TNIK: variants seen among roughly 807,000 people sequenced by gnomAD.
The protein encoded by TNIK is TRAF2 and NCK interacting kinase.
In TNIK, 49 loss-of-function variants were observed where a neutral mutation model predicts 191.3. The ratio of observed to expected loss-of-function variants is 0.26; its 90% CI spans 0.20 to 0.32. The LOEUF is 0.32. Ranked by LOEUF, TNIK falls within the 10% of genes least tolerant of loss-of-function variation. The pLI, the probability that TNIK is intolerant of heterozygous loss-of-function variation, is 1.00. For missense variants in TNIK, 1,155 were observed against 1,702.3 expected (o/e 0.68, Z 5.66); for synonymous variants, 594 against 600.9 (o/e 0.99, Z 0.17).
At chr3:171,379,996 C>T (rs745811199) in intron 1 of TNIK, among the ~76,000 whole-genome samples, 8 of 148,592 alleles carry the variant, frequency 5.4e-5, no homozygotes, top group African/African-American at 7.5e-5. Flanking sequence ...GCGACAAAAG[C>T]GAAACTTGGT....
At chr3:171,084,375 A>G in intron 25 of TNIK, 50 bp from the exon 26 acceptor site, 1 of 1,573,872 alleles carries the variant, frequency 6.4e-7, no homozygotes, top group Non-Finnish European at 8.7e-7. Flanking sequence ...AAGATAACTT[A>G]TGGAGATGGG....
intron 19 of TNIK, among the ~76,000 whole-genome samples, chr3:171,109,135 A>G (rs188677014): frequency 6.6e-6 from 1 of 152,298 alleles, no homozygotes; most frequent in Non-Finnish European, 1.5e-5. Flanking sequence ...AGTTGCCTAT[A>G]AATAGAAAAA....
intron 28 of TNIK, among the ~76,000 whole-genome samples, chr3:171,072,807 T>C (rs1719371388): frequency 6.6e-6 from 1 of 151,656 alleles, no homozygotes; most frequent in Admixed American, 6.6e-5. Flanking sequence ...ATCCCATTTA[T>C]AATAACAGAC....
At chr3:171,454,825 C>T (rs964819159) in intron 1 of TNIK, among the ~76,000 whole-genome samples, 1 of 152,254 alleles carries the variant, frequency 6.6e-6, no homozygotes, top group African/African-American at 2.4e-5. Flanking sequence ...CCCCATGAGA[C>T]CTCTCACCAG....
chr3:171,190,466 T>C (rs531029600), intron 6 of TNIK, among the ~76,000 whole-genome samples: 23 of 152,342 alleles, frequency 1.5e-4, no homozygotes, highest in African/African-American at 5.5e-4. Flanking sequence ...ATCTCAATTA[T>C]TTCTATATAT....
intron 2 of TNIK, among the ~76,000 whole-genome samples, chr3:171,236,270 A>T (rs1013017818): frequency 4.6e-5 from 7 of 152,200 alleles, no homozygotes; most frequent in African/African-American, 1.7e-4. Context: ...TCTTGATAGA[A>T]TTTGGGGAAA....
intron 25 of TNIK, 37 bp downstream of exon 25, chr3:171,085,081 G>A (rs756406246): frequency 4.6e-6 from 7 of 1,532,386 alleles, no homozygotes; most frequent in East Asian, 2.4e-5. Context: ...AAAGGAAGAC[G>A]AAGCTGTTTT....
chr3:171,240,618 A>T lies in TNIK; in HGVS notation c.124-12397T>A, dbSNP rs1310020978. Among the ~76,000 whole-genome samples, 6 of 152,146 alleles carry T rather than the reference A, an allele frequency of 3.9e-5. No individual in the cohort carries two copies. In the East Asian group the frequency reaches 5.8e-4, roughly 15 times the overall value. ...TTTCCTTCTCCCTTTCCTCCAATGT[A>T]CCATGGGGACTTTACATGTCTCTTC... On this transcript the variant is annotated intron_variant, in intron 2 of 32. Transcript: ENST00000436636.
chr3:171,364,246 C>T lies in TNIK; in HGVS notation c.123+5374G>A, dbSNP rs79522257. 6.6e-3 allele frequency among the ~76,000 whole-genome samples: 1,005 copies of T among 152,162 alleles called. 5 individuals are homozygous for T. Among genetic ancestry groups the T allele is most frequent in the Non-Finnish European group, 0.011 (718 of 67,996 alleles). Reference sequence around the variant, plus strand: ...ACATACTAAAGTTTGAGGACCTCTGCCAGGAGACCAGACCCCAGAAAATTG... The same window carrying T: ...ACATACTAAAGTTTGAGGACCTCTGTCAGGAGACCAGACCCCAGAAAATTG... On this transcript the variant is annotated intron_variant, in intron 2 of 32. Coordinates refer to ENST00000436636, the MANE Select transcript of TNIK (RefSeq NM_015028.4).
At chr3:171,149,562 G>GT (rs1732150634) in intron 12 of TNIK, among the ~76,000 whole-genome samples, 1 of 152,158 alleles carries the variant, frequency 6.6e-6, no homozygotes, top group African/African-American at 2.4e-5. Flanking sequence ...GGCACAACAC[G>GT]TAAGTTAGAA....
chr3:171,364,241 C>G (rs954599444), intron 2 of TNIK, among the ~76,000 whole-genome samples: 1 of 151,958 alleles, frequency 6.6e-6, no homozygotes, highest in African/African-American at 2.4e-5. Flanking sequence ...GTTTGAGGAC[C>G]TCTGCCAGGA....
At chr3:171,275,362 G>A (rs1306802011) in intron 2 of TNIK, among the ~76,000 whole-genome samples, 5 of 151,982 alleles carry the variant, frequency 3.3e-5, no homozygotes, top group African/African-American at 1.2e-4. Context: ...ATAAATGGAG[G>A]AAATAGTTCT....
intron 1 of TNIK, among the ~76,000 whole-genome samples, chr3:171,403,354 C>G (rs1355863061): frequency 6.6e-6 from 1 of 152,190 alleles, no homozygotes; most frequent in Non-Finnish European, 1.5e-5. Flanking sequence ...GTGGCTCACG[C>G]CTGTAATCCC....
intron 2 of TNIK, among the ~76,000 whole-genome samples, chr3:171,353,983 G>A (rs1713627040): frequency 1.3e-5 from 2 of 151,964 alleles, no homozygotes; most frequent in Non-Finnish European, 2.9e-5. Flanking sequence ...GTGTATGTTA[G>A]TATAAAGTGC....
chr3:171,340,903 A>G (rs1757435155), intron 2 of TNIK, among the ~76,000 whole-genome samples: 1 of 151,334 alleles, frequency 6.6e-6, no homozygotes, highest in African/African-American at 2.4e-5. Context: ...GGTATTTGGG[A>G]GGGAAAAAAA....
intron 25 of TNIK, 126 bp from the exon 26 acceptor site, chr3:171,084,451 ACT>A (rs1392600587): frequency 1.3e-5 from 14 of 1,118,082 alleles, no homozygotes; most frequent in Non-Finnish European, 1.4e-5. Context: ...AAACTCTGAA[ACT>A]CTCCTTATTT....
chr3:171,106,000 C>T (rs1724791564), intron 21 of TNIK, among the ~76,000 whole-genome samples: 1 of 152,210 alleles, frequency 6.6e-6, no homozygotes, highest in Non-Finnish European at 1.5e-5. Flanking sequence ...ATGCCATCCA[C>T]ACACCGCAAA....
At chr3:171,065,384 G>A (rs1718306031) in intron 32 of TNIK, among the ~76,000 whole-genome samples, 1 of 152,196 alleles carries the variant, frequency 6.6e-6, no homozygotes, top group African/African-American at 2.4e-5. Flanking sequence ...TTGGGGAACT[G>A]GGGTGGACAA....
intron 3 of TNIK, among the ~76,000 whole-genome samples, chr3:171,227,520 A>G (rs1743100704): frequency 6.6e-6 from 1 of 152,164 alleles, no homozygotes; most frequent in Non-Finnish European, 1.5e-5. Context: ...TTCTGCATTC[A>G]TATGCAAATA....
Sources: allele counts gnomAD v4.1 joint callset (sites outside exome capture counted in the v4.1 genomes callset), GRCh38; gene constraint gnomAD v4.1.1; transcripts MANE v1.5; gene names NCBI Gene and HGNC (gene_info 2026-07-23, HGNC 2026-07-21).